The following PLXDC1 variants were observed in gnomAD, a reference collection of about 807,000 sequenced individuals.
PLXDC1 encodes the protein plexin domain containing 1.
In PLXDC1, 39 loss-of-function variants were observed where a neutral mutation model predicts 61.3. That is an observed-to-expected ratio of 0.64 (90% CI 0.49 to 0.83). The LOEUF is 0.83. PLXDC1 is among the 40% of genes least tolerant of loss of function. PLXDC1 has a pLI of 0.00. For missense variants in PLXDC1, 596 were observed against 666.5 expected (o/e 0.89, Z 1.17); for synonymous variants, 212 against 254.5 (o/e 0.83, Z 1.59).
rs147292116 is a variant in PLXDC1 at position 39,128,508 on chromosome 17, C to A, written c.255+11146G>T. On this transcript the variant is annotated intron_variant, in intron 2 of 13. Coordinates refer to ENST00000315392, the MANE Select transcript of PLXDC1 (RefSeq NM_020405.5). ...GTGCTGGGATTACAGGCATGAGCCACAGCACCCAGCCCTATAATTTTTTAA... is the reference window on the plus strand; with the variant it reads ...GTGCTGGGATTACAGGCATGAGCCAAAGCACCCAGCCCTATAATTTTTTAA... Among the ~76,000 whole-genome samples the A allele has an allele frequency of 2.9e-3, 438 of 151,928 alleles. 4 individuals carry two copies. The highest frequency in any genetic ancestry group is 0.027 in the Middle Eastern group (8 of 292).
intron 2 of PLXDC1, among the ~76,000 whole-genome samples, chr17:39,137,168 C>G (rs1290741545): frequency 6.6e-6 from 1 of 152,162 alleles, no homozygotes; most frequent in African/African-American, 2.4e-5. Context: ...AACCGGCATA[C>G]ACAAAGGTCA....
chr17:39,080,341 G>A (rs1320793140), intron 9 of PLXDC1: 1 of 152,158 alleles, frequency 6.6e-6, no homozygotes, highest in African/African-American at 2.4e-5. Flanking sequence ...TGAGCCTTTG[G>A]TATGGGTTTA....
At chr17:39,073,767 C>T (rs1200247556) in intron 11 of PLXDC1, among the ~76,000 whole-genome samples, 2 of 152,226 alleles carry the variant, frequency 1.3e-5, no homozygotes, top group Non-Finnish European at 2.9e-5. Context: ...TTGTGGCTAT[C>T]AAGGTGTTCT....
intron 2 of PLXDC1, among the ~76,000 whole-genome samples, chr17:39,118,435 C>G (rs1411823931): frequency 1.3e-5 from 2 of 152,018 alleles, no homozygotes; most frequent in African/African-American, 2.4e-5. Flanking sequence ...AACTCCTGAC[C>G]TCAGGTGATC....
In PLXDC1 at chr17:39,105,835, G is replaced by A. The variant is rs1025146614; in HGVS notation, c.811+19C>T. On this transcript the variant is annotated intron_variant, in intron 7 of 13. Transcript: ENST00000315392. ...GTCCTACCCCCATCAAGGCCTCTGC[G>A]GGGTCCCTGAAGACTCACCTGGCAC... is the stretch of plus-strand genomic sequence containing the variant. The A allele has an allele frequency of 1.0e-5, 16 of 1,543,872 alleles. No homozygotes were observed. The highest frequency in any genetic ancestry group is 4.5e-5 in the East Asian group (2 of 44,552).
At chr17:39,096,479 G>A (rs1910206561) in intron 7 of PLXDC1, among the ~76,000 whole-genome samples, 1 of 152,166 alleles carries the variant, frequency 6.6e-6, no homozygotes, top group Non-Finnish European at 1.5e-5. Context: ...ACTTCCTCAC[G>A]TGGCTGCCCC....
chr17:39,100,382 A>G (rs1910380430), intron 7 of PLXDC1, among the ~76,000 whole-genome samples: 1 of 152,104 alleles, frequency 6.6e-6, no homozygotes. Flanking sequence ...CAGCCTCCCA[A>G]GTAGCTGGGA....
At chr17:39,128,632 A>C (rs575873791) in intron 2 of PLXDC1, among the ~76,000 whole-genome samples, 37 of 152,186 alleles carry the variant, frequency 2.4e-4, no homozygotes, top group Non-Finnish European at 3.7e-4. Flanking sequence ...TGTGGAAAAC[A>C]GTCTGGCAGT....
At chr17:39,123,654 C>A (rs1218601538) in intron 2 of PLXDC1, among the ~76,000 whole-genome samples, 5 of 152,184 alleles carry the variant, frequency 3.3e-5, no homozygotes, top group African/African-American at 7.2e-5. Flanking sequence ...TGGAGGCTGC[C>A]TCCTCAAAGC....
At chr17:39,114,634 G>T (rs1910909944) in intron 2 of PLXDC1, among the ~76,000 whole-genome samples, 1 of 152,178 alleles carries the variant, frequency 6.6e-6, no homozygotes, top group Non-Finnish European at 1.5e-5. Flanking sequence ...AGCAAAGAAT[G>T]ACCACAAATT....
At chr17:39,082,796 C>A (rs1367596183) in intron 9 of PLXDC1, among the ~76,000 whole-genome samples, 1 of 152,180 alleles carries the variant, frequency 6.6e-6, no homozygotes, top group Non-Finnish European at 1.5e-5. Context: ...TGAGTCTAAT[C>A]TGTGAGGAAA....
intron 2 of PLXDC1, among the ~76,000 whole-genome samples, chr17:39,134,215 C>T (rs1163590993): frequency 6.6e-6 from 1 of 150,436 alleles, no homozygotes; most frequent in Non-Finnish European, 1.5e-5. Context: ...GATCGTGCCA[C>T]TGCACTACAG....
At chr17:39,152,185 C>T (rs565702254), upstream of PLXDC1, among the ~76,000 whole-genome samples, 6 of 150,174 alleles carry the variant, frequency 4.0e-5, no homozygotes, top group South Asian at 8.5e-4. Flanking sequence ...TATCCCTCCA[C>T]CCCCCATTTC....
chr17:39,152,593 G>A (rs1430264785), upstream of PLXDC1: 5 of 1,250,716 alleles, frequency 4.0e-6, no homozygotes, highest in Non-Finnish European at 5.0e-6. Context: ...AGTGGGAGAC[G>A]GGGTGAGGGG....
In PLXDC1 at chr17:39,105,864, C is replaced by G. The variant is rs17705646; in HGVS notation, c.801G>C (p.Pro267=). The change falls in exon 7 of 14, where the codon CCG becomes CCC. Residue 267 remains proline (P), a synonymous_variant. Transcript: ENST00000315392. ...SDAFMILNPS[P]DVPESRRRSI... ...TCCCTGAAGACTCACCTGGCACATC[C>G]GGGGATGGATTGAGAATCATGAAGG... 1.2e-6 allele frequency: 2 copies of G among 1,611,872 alleles called. No individual in the cohort carries two copies. The highest frequency in any genetic ancestry group is 1.7e-6 in the Non-Finnish European group (2 of 1,178,144).
chr17:39,101,024 C>T (rs983779432), intron 7 of PLXDC1, among the ~76,000 whole-genome samples: 1 of 152,164 alleles, frequency 6.6e-6, no homozygotes, highest in African/African-American at 2.4e-5. Flanking sequence ...TGGAAATGGG[C>T]CTTAAAGGAT....
chr17:39,125,714 A>G (rs1489926469), intron 2 of PLXDC1, among the ~76,000 whole-genome samples: 2 of 152,210 alleles, frequency 1.3e-5, no homozygotes, highest in South Asian at 2.1e-4. Context: ...ATTTCATGAT[A>G]TCAAAAGCAG....
intron 10 of PLXDC1, 71 bp from the exon 11 acceptor site, chr17:39,078,119 C>G: frequency 3.5e-6 from 5 of 1,409,204 alleles, no homozygotes; most frequent in Non-Finnish European, 3.8e-6. Flanking sequence ...AGCATCTTCT[C>G]TTACAGGGCA....
intron 7 of PLXDC1, among the ~76,000 whole-genome samples, chr17:39,101,058 T>A (rs1483852650): frequency 6.6e-6 from 1 of 152,230 alleles, no homozygotes; most frequent in Non-Finnish European, 1.5e-5. Flanking sequence ...CAGGGCCCCA[T>A]GGCATGGAGC....
Sources: gnomAD v4.1 joint callset for allele counts (sites outside exome capture counted in the v4.1 genomes callset) on GRCh38, gnomAD v4.1.1 for gene constraint, MANE v1.5 for transcripts, NCBI Gene and HGNC (gene_info 2026-07-23, HGNC 2026-07-21) for gene names.